Variants in STARD10 observed in about 807,000 individuals in gnomAD.
The protein encoded by STARD10 is StAR related lipid transfer domain containing 10, also known as START domain-containing protein 10.
Under a neutral mutation model 36.0 loss-of-function variants are expected in STARD10, and 24 were observed. The ratio of observed to expected loss-of-function variants is 0.67; its 90% CI spans 0.48 to 0.94. The LOEUF (loss-of-function observed/expected upper bound fraction) is 0.94. Among genes scored for constraint, STARD10 ranks in the 40% least tolerant of loss-of-function variants. STARD10 has a pLI of 0.00. For missense variants in STARD10, 335 were observed against 396.6 expected (o/e 0.84, Z 1.32); for synonymous variants, 156 against 161.9 (o/e 0.96, Z 0.28).
At position 72,781,086 on chromosome 11, in the gene STARD10, G is replaced by A. The variant is rs1591270732; in HGVS notation, c.96C>T (p.Ser32=). The A allele has an allele frequency of 6.2e-7, 1 of 1,614,064 alleles. No individual in the cohort carries two copies. ...VQVPDDQDFR[S]FRSECEAEVG... ...CCTCAGCCTCACACTCTGACCGGAA[G>A]CTGCGAAAGTCTTGGTCATCGGGCA... Residue 32 remains serine, a synonymous_variant, in exon 2 of 7, where the codon AGC becomes AGT. Coordinates refer to ENST00000334805, the MANE Select transcript of STARD10 (RefSeq NM_006645.3). This position sits in a 1 kb window ranked among gnomAD's most constrained non-coding sequence, Gnocchi z 4.7.
Position 72,758,689 on chromosome 11 carries a change from A to G in STARD10, c.356-56T>C, listed in dbSNP as rs1388004191. ...CCACTGGTCCACCTGCCTACAAGGG[A>G]GGGTGTGGCAGAGGCCAGAGATGCA... On this transcript the variant is annotated intron_variant, in intron 3 of 6. Transcript: ENST00000334805. The G allele has an allele frequency of 2.2e-6, 3 of 1,342,734 alleles. No individual in the cohort carries two copies. The East Asian group carries it at 6.9e-5, about 31-fold the overall frequency. 83.2% of individuals were successfully genotyped at this position (1,342,734 alleles called of 1,614,324 possible).
At chr11:72,759,910 T>A (rs1335066548) in intron 2 of STARD10, among the ~76,000 whole-genome samples, 1 of 150,238 alleles carries the variant, frequency 6.7e-6, no homozygotes, top group Admixed American at 6.6e-5. Context: ...CATCTTTGGA[T>A]TTTTTTTTTC....
chr11:72,790,974 G>A (rs1370849243), intron 1 of STARD10, among the ~76,000 whole-genome samples: 1 of 152,180 alleles, frequency 6.6e-6, no homozygotes, highest in Non-Finnish European at 1.5e-5. Flanking sequence ...GGCCTGCCTC[G>A]ACCTGTGTTC....
rs376885709 is a variant in STARD10, at chr11:72,781,042, T to C, written c.140A>G (p.Tyr47Cys). 36 of 1,614,008 alleles carry C rather than the reference T, an allele frequency of 2.2e-5. No homozygotes were observed. The highest frequency in any genetic ancestry group is 4.0e-5 in the African/African-American group (3 of 74,912). Reference sequence around the variant, plus strand: ...CCAGACAGACACCCCAGCCCTGCTATAGGTCAGGTTCCAGCCCACCTCAGC... The same window carrying C: ...CCAGACAGACACCCCAGCCCTGCTACAGGTCAGGTTCCAGCCCACCTCAGC... ...CEAEVGWNLT[Y>C]SRAGVSVWVQ... is the part of the protein sequence containing the mutation. Residue 47 changes from tyrosine (Y) to cysteine (C), a missense_variant, in exon 2 of 7, where the codon TAT becomes TGT. By Grantham distance (194) the Tyr-to-Cys change is radical. Coordinates refer to ENST00000334805, the MANE Select transcript of STARD10 (RefSeq NM_006645.3). This position sits in a 1 kb window ranked among gnomAD's most constrained non-coding sequence, Gnocchi z 4.7.
intron 2 of STARD10, among the ~76,000 whole-genome samples, chr11:72,773,762 G>A (rs1858894796): frequency 6.6e-6 from 1 of 152,108 alleles, no homozygotes; most frequent in Admixed American, 6.5e-5. Context: ...TCCCTATCAC[G>A]TTATCTCGTC....
chr11:72,784,951 G>T (rs1269327507), intron 1 of STARD10, among the ~76,000 whole-genome samples: 2 of 152,204 alleles, frequency 1.3e-5, no homozygotes, highest in East Asian at 3.8e-4. Flanking sequence ...TGGGGGGCAC[G>T]GGGCACCCCT....
intron 2 of STARD10, among the ~76,000 whole-genome samples, chr11:72,763,154 G>A (rs796173801): frequency 2.0e-4 from 30 of 152,290 alleles, no homozygotes; most frequent in African/African-American, 6.0e-4. Context: ...GGCAAGCTAG[G>A]ACAGTTGATC....
intron 2 of STARD10, among the ~76,000 whole-genome samples, chr11:72,762,172 C>T (rs756317475): frequency 4.6e-5 from 7 of 151,742 alleles, no homozygotes; most frequent in African/African-American, 7.3e-5. Flanking sequence ...GTGATCCTCC[C>T]GCCTCGGCCT....
intron 2 of STARD10, among the ~76,000 whole-genome samples, chr11:72,779,317 T>C (rs1479689711): frequency 6.6e-6 from 1 of 152,182 alleles, no homozygotes; most frequent in African/African-American, 2.4e-5. Context: ...TCTAACTGTG[T>C]TGGATGCTGG....
chr11:72,783,840 C>T (rs1859036829), intron 1 of STARD10, among the ~76,000 whole-genome samples: 2 of 152,076 alleles, frequency 1.3e-5, no homozygotes, highest in Admixed American at 1.3e-4. Context: ...AAGGACTTCC[C>T]CACCCTAGAG....
intron 2 of STARD10, among the ~76,000 whole-genome samples, chr11:72,772,573 C>T (rs1439506630): frequency 2.6e-5 from 4 of 152,214 alleles, no homozygotes; most frequent in Admixed American, 2.6e-4. Flanking sequence ...ATCCTCTTCT[C>T]TGTCCTCTGT....
intron 2 of STARD10, among the ~76,000 whole-genome samples, chr11:72,771,181 C>G (rs61060253): frequency 0.086 from 13,121 of 152,212 alleles, 670 homozygotes; most frequent in South Asian, 0.18. Context: ...ACTATTCCCT[C>G]AGAACTAGGC....
chr11:72,782,947 C>T (rs1372197592), intron 1 of STARD10, among the ~76,000 whole-genome samples: 1 of 152,194 alleles, frequency 6.6e-6, no homozygotes, highest in African/African-American at 2.4e-5. Flanking sequence ...CTCCTCCCAC[C>T]TCCGTTCCTG....
At chr11:72,791,654 G>C (rs1859144060) in intron 1 of STARD10, among the ~76,000 whole-genome samples, 1 of 150,848 alleles carries the variant, frequency 6.6e-6, no homozygotes, top group Non-Finnish European at 1.5e-5. Context: ...AGTGAGCCAA[G>C]ATCGCACCCT....
In STARD10 at chr11:72,755,783, C is replaced by T. The variant is rs749987272; in HGVS notation, c.578-30G>A. On this transcript the variant is annotated intron_variant, in intron 5 of 6. Coordinates refer to ENST00000334805, the MANE Select transcript of STARD10 (RefSeq NM_006645.3). The stretch of plus-strand genomic sequence containing the variant: ...GAGGGCAGGGAAGGGAGGAAGCAGC[C>T]TCAGGGACCCAGCCCCTCCGCCCCT... 2.5e-6 allele frequency: 4 copies of T among 1,594,828 alleles called. No individual in the cohort carries two copies. In the South Asian group the frequency reaches 4.5e-5, roughly 18 times the overall value.
At chr11:72,777,543 C>T (rs1235081660) in intron 2 of STARD10, among the ~76,000 whole-genome samples, 1 of 152,228 alleles carries the variant, frequency 6.6e-6, no homozygotes, top group Non-Finnish European at 1.5e-5. Context: ...CTCCAAGCTG[C>T]CCCCTGCCTT....
At position 72,781,202 on chromosome 11, in the gene STARD10, G is replaced by C; in HGVS notation, c.-21C>G. On this transcript the variant is annotated 5_prime_UTR_variant, in exon 2 of 7. Transcript: ENST00000334805. This position sits in a 1 kb window ranked among gnomAD's most constrained non-coding sequence, Gnocchi z 4.7. ...TCCATGGGGAGTGTGGGGAGGCCCAGGGCCCTGGTCCTAGTCCGGCTCTCC... is the reference window on the plus strand; with the variant it reads ...TCCATGGGGAGTGTGGGGAGGCCCACGGCCCTGGTCCTAGTCCGGCTCTCC... 1 of 1,601,696 alleles carries C rather than the reference G, an allele frequency of 6.2e-7. No individual in the cohort carries two copies. Among genetic ancestry groups the C allele is most frequent in the South Asian group, 1.1e-5 (1 of 90,994 alleles).
In STARD10 at chr11:72,771,148, G is replaced by A. The variant is rs571289627; in HGVS notation, c.207+9827C>T. ...GAGGAACCAGGTTGGAACCCCCAGC[G>A]TGATCCAAAGTCCATCCCTGAGACT... is the stretch of plus-strand genomic sequence containing the variant. On this transcript the variant is annotated intron_variant, in intron 2 of 6. Coordinates refer to ENST00000334805, the MANE Select transcript of STARD10 (RefSeq NM_006645.3). 1.1e-3 allele frequency among the ~76,000 whole-genome samples: 160 copies of A among 152,302 alleles called. 1 individual carries two copies. The highest frequency in any genetic ancestry group is 1.6e-3 in the Non-Finnish European group (107 of 68,024).
At chr11:72,783,124 G>C (rs1187245944) in intron 1 of STARD10, among the ~76,000 whole-genome samples, 1 of 152,186 alleles carries the variant, frequency 6.6e-6, no homozygotes, top group African/African-American at 2.4e-5. Context: ...TCGAGGATTT[G>C]TCACGGTGCT....
Sources: allele counts gnomAD v4.1 joint callset (sites outside exome capture counted in the v4.1 genomes callset), GRCh38; gene constraint gnomAD v4.1.1; non-coding constraint Gnocchi (gnomAD v3.1); transcripts MANE v1.5; gene names NCBI Gene and HGNC (gene_info 2026-07-23, HGNC 2026-07-21).